Variants in SYNE2 observed in about 807,000 individuals in gnomAD.
The protein encoded by SYNE2 is nesprin-2.
A neutral mutation model predicts 856.3 loss-of-function variants in SYNE2; 431 were observed. The observed-to-expected ratio is 0.50, with a 90% CI of 0.47 to 0.55. The LOEUF (loss-of-function observed/expected upper bound fraction) is 0.55, where lower values mean the gene tolerates loss of function less well. Ranked by LOEUF, SYNE2 falls within the 20% of genes least tolerant of loss-of-function variation. The pLI, the probability that SYNE2 is intolerant of heterozygous loss-of-function variation, is 0.00. For synonymous variants in SYNE2, 2,923 were observed against 2,872.3 expected (o/e 1.02, Z -0.56); for missense variants, 8,129 against 8,023.2 (o/e 1.01, Z -0.50).
upstream of SYNE2, among the ~76,000 whole-genome samples, chr14:63,849,249 G>A (rs1890325671): frequency 6.8e-6 from 1 of 146,842 alleles, no homozygotes; most frequent in African/African-American, 2.5e-5. Flanking sequence ...GGAGTGTTTA[G>A]CACTAAGTTA....
At chr14:63,889,684 C>T (rs941016870) in intron 1 of SYNE2, among the ~76,000 whole-genome samples, 2 of 151,986 alleles carry the variant, frequency 1.3e-5, no homozygotes, top group African/African-American at 4.8e-5. Context: ...CCCTATGTTG[C>T]CTGGGCTGGT....
At chr14:64,000,473 C>A in intron 27 of SYNE2, 89 bp from the exon 28 acceptor site, 1 of 1,198,858 alleles carries the variant, frequency 8.3e-7, no homozygotes, top group Non-Finnish European at 1.2e-6. Context: ...TTTGCTTCCA[C>A]AGTTGGTGAA....
chr14:64,203,003 T>C (rs773732896), intron 100 of SYNE2, 40 bp downstream of exon 100: 1 of 1,611,064 alleles, frequency 6.2e-7, no homozygotes, highest in South Asian at 1.1e-5. Flanking sequence ...GAGTACGGTG[T>C]CCGCGATATG....
At chr14:63,974,892 G>GTGTGTGTATATATATATA (rs1375697679) in intron 11 of SYNE2, among the ~76,000 whole-genome samples, 5 of 67,326 alleles carry the variant, frequency 7.4e-5, no homozygotes, top group African/African-American at 1.8e-4. Context: ...GTGTGTGTGT[G>GTGTGTGTATATATATATA]TATATATATA....
At chr14:64,159,248 T>C (rs1185196682) in intron 86 of SYNE2, 64 bp from the exon 87 acceptor site, 18 of 1,608,766 alleles carry the variant, frequency 1.1e-5, no homozygotes, top group South Asian at 6.6e-5. Context: ...GTTGAGAAGC[T>C]GCCACCTTCT....
chr14:64,034,856 C>G (rs1316130245), intron 45 of SYNE2, among the ~76,000 whole-genome samples: 3 of 151,712 alleles, frequency 2.0e-5, no homozygotes, highest in Non-Finnish European at 4.4e-5. Flanking sequence ...ACTGTCTAAT[C>G]TCTTAGGATT....
chr14:64,083,305 C>G, intron 57 of SYNE2, among the ~76,000 whole-genome samples: 1 of 151,298 alleles, frequency 6.6e-6, no homozygotes, highest in East Asian at 1.9e-4. Context: ...CATTTTTAAA[C>G]TCTTTATCAC....
chr14:63,818,627 G>A (rs987603427), intron 1 of SYNE2, among the ~76,000 whole-genome samples: 14 of 151,624 alleles, frequency 9.2e-5, no homozygotes, highest in African/African-American at 3.4e-4. Context: ...ATCATGAATG[G>A]TAAAAGATTA....
chr14:63,815,424 G>C (rs916893923), intron 1 of SYNE2, among the ~76,000 whole-genome samples: 1 of 151,752 alleles, frequency 6.6e-6, no homozygotes, highest in Admixed American at 6.6e-5. Context: ...TATAGGCTAG[G>C]AGGCTAGGCC....
At position 64,208,788 on chromosome 14, in the gene SYNE2, G is replaced by T. The variant is rs149128439; in HGVS notation, c.18232G>T (p.Ala6078Ser). 3 of 1,614,230 alleles carry T rather than the reference G, an allele frequency of 1.9e-6. No individual in the cohort carries two copies. The highest frequency in any genetic ancestry group is 2.5e-6 in the Non-Finnish European group (3 of 1,180,046). The change falls in exon 101 of 116, where the codon GCA becomes TCA. Residue 6078 changes from alanine (A) to serine (S), a missense_variant. By Grantham distance (99) the Ala-to-Ser change is moderately conservative. Coordinates refer to ENST00000555002, the MANE Select transcript of SYNE2 (RefSeq NM_182914.3). ...DLQRDIEQHSAGVESVFNICD... is the reference protein window; with the variant it reads ...DLQRDIEQHSSGVESVFNICD... ...ACAGCGAGATATTGAACAACACAGC[G>T]CAGGGGTGGAGTCCGTGTTTAACAT... is the stretch of plus-strand genomic sequence containing the variant.
chr14:63,982,338 T>A (rs1379494635), intron 16 of SYNE2, among the ~76,000 whole-genome samples: 3 of 152,110 alleles, frequency 2.0e-5, no homozygotes, highest in African/African-American at 7.2e-5. Flanking sequence ...GACAGACAGC[T>A]GGCATTTGCC....
At chr14:64,071,016 G>C in intron 52 of SYNE2, 106 bp downstream of exon 52, 1 of 1,194,210 alleles carries the variant, frequency 8.4e-7, no homozygotes, top group Non-Finnish European at 1.2e-6. Flanking sequence ...ATAGAATTGA[G>C]GTGAGACAAC....
rs376551010 is a variant in SYNE2 at position 64,032,676 on chromosome 14, G to A, written c.7221+1319G>A. Reference sequence around the variant, plus strand: ...CAACCTCTGCCTCCCAGGTTCAAGCGATTCTCCTGCCTCAGCCTCCTGAGT... The same window carrying A: ...CAACCTCTGCCTCCCAGGTTCAAGCAATTCTCCTGCCTCAGCCTCCTGAGT... On this transcript the variant is annotated intron_variant, in intron 45 of 115. Coordinates refer to ENST00000555002, the MANE Select transcript of SYNE2 (RefSeq NM_182914.3). 1.1e-4 allele frequency among the ~76,000 whole-genome samples: 16 copies of A among 152,192 alleles called. No homozygotes were observed. The East Asian group carries it at 1.2e-3, about 11-fold the overall frequency.
chr14:64,132,227 A>G (rs747949824), intron 76 of SYNE2, 38 bp from the exon 77 acceptor site: 15 of 1,609,050 alleles, frequency 9.3e-6, no homozygotes, highest in Non-Finnish European at 1.2e-5. Context: ...AGTTTTCACA[A>G]TTTCAAAGTA....
chr14:63,979,101 C>G, intron 14 of SYNE2, 87 bp downstream of exon 14: 1 of 1,391,040 alleles, frequency 7.2e-7, no homozygotes, highest in Non-Finnish European at 1.0e-6. Flanking sequence ...TTCCCATTAA[C>G]TCTTCGGGTT....
intron 2 of SYNE2, among the ~76,000 whole-genome samples, chr14:63,940,389 C>T (rs2095895187): frequency 1.8e-4 from 28 of 152,076 alleles, no homozygotes; most frequent in Admixed American, 1.8e-3. Context: ...TATTAAAAAC[C>T]ATTGTCTCGT....
rs2097903154 is a variant in SYNE2, at chr14:64,122,150, TAG to T, written c.13280+20_13280+21del. ...ATCTGCAAGGTAAAACATTTAAAAA[TAG>T]AGTTGGTCATTCAGTGGTTTTATGA... is the stretch of plus-strand genomic sequence containing the variant. On this transcript the variant is annotated intron_variant, in intron 69 of 115. Transcript: ENST00000555002. The T allele has an allele frequency of 6.2e-7, 1 of 1,614,014 alleles. No individual in the cohort carries two copies.
chr14:64,177,524 T>C, intron 96 of SYNE2, 41 bp downstream of exon 96: 1 of 1,614,008 alleles, frequency 6.2e-7, no homozygotes, highest in Non-Finnish European at 8.5e-7. Context: ...ATCACTTAGC[T>C]GTTTTCTGAG....
intron 18 of SYNE2, among the ~76,000 whole-genome samples, chr14:63,985,593 T>C (rs1009305487): frequency 1.3e-5 from 2 of 152,168 alleles, no homozygotes; most frequent in Admixed American, 1.3e-4. Flanking sequence ...TCACCCTAAT[T>C]TACTAAACTT....
Sources: gnomAD v4.1 joint callset for allele counts (sites outside exome capture counted in the v4.1 genomes callset) on GRCh38, gnomAD v4.1.1 for gene constraint, MANE v1.5 for transcripts, NCBI Gene and HGNC (gene_info 2026-07-23, HGNC 2026-07-21) for gene names.